Variants in USP19 observed in about 807,000 individuals in gnomAD.
The protein encoded by USP19 is ubiquitin specific peptidase 19.
In USP19, 40 loss-of-function variants were observed where a neutral mutation model predicts 144.8. That is an observed-to-expected ratio of 0.28 (90% CI 0.21 to 0.36). The LOEUF is 0.36. USP19 is among the 10% of genes least tolerant of loss of function. The pLI is 1.00. For missense variants in USP19, 1,518 were observed against 1,822.5 expected (o/e 0.83, Z 3.04); for synonymous variants, 701 against 709.3 (o/e 0.99, Z 0.19).
In USP19 at chr3:49,114,543, CT is replaced by C. The variant is rs1046677748; in HGVS notation, c.2292+219del. 6.6e-6 allele frequency among the ~76,000 whole-genome samples: 1 copy of C among 152,240 alleles called. No homozygotes were observed. The highest frequency in any genetic ancestry group is 2.4e-5 in the African/African-American group (1 of 41,458). ...ACTTGCACCCCATGTGCCCACAACC[CT>C]GCTACAACACCTTTGAGCTCTAACA... On this transcript the variant is annotated intron_variant, in intron 15 of 26. Coordinates refer to ENST00000417901, the MANE Select transcript of USP19 (RefSeq NM_001199161.2). This position sits in a 1 kb window ranked among gnomAD's most constrained non-coding sequence, Gnocchi z 4.5.
chr3:49,114,021 C>T lies in USP19; in HGVS notation c.2476G>A (p.Val826Met), dbSNP rs773147771. The T allele has an allele frequency of 1.1e-5, 17 of 1,614,092 alleles. No homozygotes were observed. Among genetic ancestry groups the T allele is most frequent in the Non-Finnish European group, 1.4e-5 (17 of 1,180,054 alleles). ...VLDSLSQSVH[V>M]KPENLRLAEV... is the part of the protein sequence containing the mutation. ...GCCAAACGCAGGTTCTCAGGCTTCA[C>T]ATGAACACTCTGAGAGAGGGAGTCC... Residue 826 changes from valine (V) to methionine (M), a missense_variant, in exon 17 of 27, where the codon GTG becomes ATG. By Grantham distance (21) the Val-to-Met change is conservative. Coordinates refer to ENST00000417901, the MANE Select transcript of USP19 (RefSeq NM_001199161.2). This position sits in a 1 kb window ranked among gnomAD's most constrained non-coding sequence, Gnocchi z 4.5.
In USP19 at chr3:49,112,402, G is replaced by A. The variant is rs772752404; in HGVS notation, c.2647C>T (p.Arg883Cys). 3.1e-6 allele frequency: 5 copies of A among 1,613,980 alleles called. No individual in the cohort carries two copies. The highest frequency in any genetic ancestry group is 4.2e-6 in the Non-Finnish European group (5 of 1,179,958). ...ERVVVLEVQQRPQVPSVPISK... is the reference protein window; with the variant it reads ...ERVVVLEVQQCPQVPSVPISK... ...ATGGGGACGCTGGGCACCTGGGGGC[G>A]CTAGGGTGGGTCGTCTGGCTCAGCA... The change falls in exon 19 of 27, where the codon CGC becomes TGC. Residue 883 changes from arginine (R) to cysteine (C), a missense_variant and splice_region_variant. Transcript: ENST00000417901. The surrounding 1 kb of genome is among the most constrained non-coding windows in gnomAD (Gnocchi z 4.9).
In USP19 at chr3:49,111,877, C is replaced by G. The variant is rs1352730722; in HGVS notation, c.2903+34G>C. 1 of 1,612,022 alleles carries G rather than the reference C, an allele frequency of 6.2e-7. No individual in the cohort carries two copies. Among genetic ancestry groups the G allele is most frequent in the South Asian group, 1.1e-5 (1 of 90,850 alleles). ...GCCCATCTAGCACCTCTGCCCCCAC[C>G]TACACCACTCTAGTCCAACCACTGG... is the stretch of plus-strand genomic sequence containing the variant. On this transcript the variant is annotated intron_variant, in intron 20 of 26. Coordinates refer to ENST00000417901, the MANE Select transcript of USP19 (RefSeq NM_001199161.2). This position sits in a 1 kb window ranked among gnomAD's most constrained non-coding sequence, Gnocchi z 5.9.
rs749937029 is a variant in USP19 at position 49,119,179 on chromosome 3, G to C, written c.-34C>G. The stretch of plus-strand genomic sequence containing the variant: ...GCTTGGTCGACAGCCAGAGTGCCCC[G>C]GGGTCGGCAACAGCGTCTGGGTCAG... On this transcript the variant is annotated 5_prime_UTR_variant, in exon 2 of 27. Transcript: ENST00000417901. The C allele has an allele frequency of 3.1e-6, 5 of 1,599,998 alleles. No homozygotes were observed. In the South Asian group the frequency reaches 3.3e-5, roughly 11 times the overall value.
At chr3:49,109,220 G>C (rs754515644) in intron 26 of USP19, 5 of 1,453,454 alleles carry the variant, frequency 3.4e-6, no homozygotes, top group Non-Finnish European at 4.5e-6. Flanking sequence ...AGCACCCCGG[G>C]GGTGGGGAGG....
chr3:49,109,556 G>A (rs2107202255), intron 26 of USP19, among the ~76,000 whole-genome samples: 1 of 152,322 alleles, frequency 6.6e-6, no homozygotes, highest in South Asian at 2.1e-4. Context: ...CCCATACCCA[G>A]ATCCTGACCA....
rs752926796 is a variant in USP19, at chr3:49,115,919, G to A, written c.1497C>T (p.Ala499=). 9.0e-6 allele frequency: 14 copies of A among 1,560,928 alleles called. No individual in the cohort carries two copies. The highest frequency in any genetic ancestry group is 6.8e-5 in the East Asian group (3 of 44,418). Reference sequence around the variant, plus strand: ...CCAGAGGGGTTGGACCTGTCGGCACGGCAACCTTTGCACCACCCACTGCAC... The same window carrying A: ...CCAGAGGGGTTGGACCTGTCGGCACAGCAACCTTTGCACCACCCACTGCAC... The part of the protein sequence containing the change: ...ARGAVGGAKV[A]VPTGPTPLDS... Residue 499 remains alanine (A), a synonymous_variant, in exon 11 of 27, where the codon GCC becomes GCT. Transcript: ENST00000417901. This position sits in a 1 kb window ranked among gnomAD's most constrained non-coding sequence, Gnocchi z 6.6.
rs1404093576 is a variant in USP19, at chr3:49,116,004, T to C, written c.1471+43A>G. 1 of 1,573,154 alleles carries C rather than the reference T, an allele frequency of 6.4e-7. No individual in the cohort carries two copies. Among genetic ancestry groups the C allele is most frequent in the Non-Finnish European group, 8.6e-7 (1 of 1,163,034 alleles). ...CAGCATGTGACAGGGGTTTGGGTCC[T>C]GGTCACGTGGAACTGGGCAATGAAG... is the stretch of plus-strand genomic sequence containing the variant. On this transcript the variant is annotated intron_variant, in intron 10 of 26. Coordinates refer to ENST00000417901, the MANE Select transcript of USP19 (RefSeq NM_001199161.2). The surrounding 1 kb of genome is among the most constrained non-coding windows in gnomAD (Gnocchi z 5.0).
rs750994994 is a variant in USP19 at position 49,114,049 on chromosome 3, T to C, written c.2448A>G (p.Val816=). Residue 816 remains valine, a synonymous_variant, in exon 17 of 27, where the codon GTA becomes GTG. Transcript: ENST00000417901. The surrounding 1 kb of genome is among the most constrained non-coding windows in gnomAD (Gnocchi z 4.5). ...GAACACTCTGAGAGAGGGAGTCCAATACTTCGCTCGCAGTGGAGTTCTCCT... is the reference window on the plus strand; with the variant it reads ...GAACACTCTGAGAGAGGGAGTCCAACACTTCGCTCGCAGTGGAGTTCTCCT... The part of the protein sequence containing the change: ...VSKENSTASE[V]LDSLSQSVHV... 5 of 1,614,170 alleles carry C rather than the reference T, an allele frequency of 3.1e-6. No homozygotes were observed. The South Asian group carries it at 3.3e-5, about 11-fold the overall frequency.
At chr3:49,109,211 G>A (rs1220954489) in intron 26 of USP19, 2 of 1,455,804 alleles carry the variant, frequency 1.4e-6, no homozygotes, top group South Asian at 1.5e-5. Context: ...ACGGCCATCA[G>A]CACCCCGGGG....
In USP19 at chr3:49,111,626, G is replaced by A. The variant is rs200308582; in HGVS notation, c.3091C>T (p.Arg1031Trp). The stretch of plus-strand genomic sequence containing the variant: ...CCCCGGTCAGGGGCTGCCCACACCC[G>A]GGGAAGCCCTGTGTCCCCCTCAGCC... ...PMAEGDTGLP[R>W]VWAAPDRGPV... is the part of the protein sequence containing the mutation. The change falls in exon 21 of 27, where the codon CGG becomes TGG. Residue 1031 changes from arginine (R) to tryptophan (W), a missense_variant. Arg to Trp is a moderately radical substitution (Grantham distance 101). This residue lies in a region of USP19 where 413 missense variants were observed against 515.8 expected (regional missense o/e 0.80). Coordinates refer to ENST00000417901, the MANE Select transcript of USP19 (RefSeq NM_001199161.2). This position sits in a 1 kb window ranked among gnomAD's most constrained non-coding sequence, Gnocchi z 5.9. 65 of 1,608,526 alleles carry A rather than the reference G, an allele frequency of 4.0e-5. No homozygotes were observed. In the African/African-American group the frequency reaches 5.6e-4, roughly 14 times the overall value.
At chr3:49,109,529 C>A (rs1007667120) in intron 26 of USP19, among the ~76,000 whole-genome samples, 1 of 152,208 alleles carries the variant, frequency 6.6e-6, no homozygotes, top group African/African-American at 2.4e-5. Flanking sequence ...CCAGAGCAAT[C>A]TCCTTGCTCC....
Position 49,115,327 on chromosome 3 carries a change from G to A in USP19, c.1923C>T (p.Asn641=), listed in dbSNP as rs1400272264. 6.2e-7 allele frequency: 1 copy of A among 1,614,100 alleles called. No individual in the cohort carries two copies. Among genetic ancestry groups the A allele is most frequent in the African/African-American group, 1.3e-5 (1 of 74,938 alleles). The change falls in exon 13 of 27, where the codon AAC becomes AAT. Residue 641 remains asparagine (N), a synonymous_variant. Transcript: ENST00000417901. This position sits in a 1 kb window ranked among gnomAD's most constrained non-coding sequence, Gnocchi z 6.6. ...CCAGACGCCCACCAGTCCCTAGTGG[G>A]TTGTTGTAGTTGATCTCAGCCTCAA... The part of the protein sequence containing the change: ...RSFEAEINYN[N]PLGTGGRLAI...
rs1285877745 is a variant in USP19, at chr3:49,112,410, G to A, written c.2647-8C>T. 6.2e-7 allele frequency: 1 copy of A among 1,613,956 alleles called. No individual in the cohort carries two copies. Among genetic ancestry groups the A allele is most frequent in the Non-Finnish European group, 8.5e-7 (1 of 1,179,936 alleles). On this transcript the variant is annotated splice_polypyrimidine_tract_variant and splice_region_variant and intron_variant, in intron 18 of 26. Transcript: ENST00000417901. This position sits in a 1 kb window ranked among gnomAD's most constrained non-coding sequence, Gnocchi z 4.9. ...GCTGGGCACCTGGGGGCGCTAGGGT[G>A]GGTCGTCTGGCTCAGCAAGACCAGG...
Position 49,110,210 on chromosome 3 carries a change from G to A in USP19, c.4012C>T (p.Pro1338Ser). 1 of 1,530,060 alleles carries A rather than the reference G, an allele frequency of 6.5e-7. No individual in the cohort carries two copies. Among genetic ancestry groups the A allele is most frequent in the Non-Finnish European group, 8.8e-7 (1 of 1,139,748 alleles). The allele number at this position is 1,530,060 out of a possible 1,614,324, so 94.8% of individuals were successfully genotyped here. The part of the protein sequence containing the change: ...GHSEHHPDLG[P>S]AAEAAASQGL... ...TGGCTGGCAGCAGCCTCAGCTGCAG[G>A]GCCTAGGTCTGGGTGGTGCTCAGAG... The change falls in exon 26 of 27, where the codon CCT (proline) becomes TCT (serine). Residue 1338 changes from proline to serine, a missense_variant. Coordinates refer to ENST00000417901, the MANE Select transcript of USP19 (RefSeq NM_001199161.2). This position sits in a 1 kb window ranked among gnomAD's most constrained non-coding sequence, Gnocchi z 6.1.
rs186192609 is a variant in USP19, at chr3:49,115,359, G to C, written c.1891C>G (p.Arg631Gly). ...TRELRDFFHD[R>G]SFEAEINYNN... ...TAGTTGATCTCAGCCTCAAAGGAGCGGTCTAGGAATAGTAGCCGAGCAAAG... is the reference window on the plus strand; with the variant it reads ...TAGTTGATCTCAGCCTCAAAGGAGCCGTCTAGGAATAGTAGCCGAGCAAAG... The change falls in exon 13 of 27, where the codon CGC becomes GGC. Residue 631 changes from arginine to glycine, a missense_variant and splice_region_variant. This residue lies in a region of USP19 where 158 missense variants were observed against 277.3 expected (regional missense o/e 0.57). Coordinates refer to ENST00000417901, the MANE Select transcript of USP19 (RefSeq NM_001199161.2). The surrounding 1 kb of genome is among the most constrained non-coding windows in gnomAD (Gnocchi z 6.6). The C allele has an allele frequency of 6.2e-7, 1 of 1,614,130 alleles. No individual in the cohort carries two copies. Among genetic ancestry groups the C allele is most frequent in the East Asian group, 2.2e-5 (1 of 44,874 alleles).
chr3:49,120,350 T>G (rs1395486882), intron 1 of USP19: 2 of 152,366 alleles, frequency 1.3e-5, no homozygotes, highest in East Asian at 1.9e-4. Flanking sequence ...GCCTCCTTCT[T>G]GCACCCAGGC....
chr3:49,120,308 G>A (rs1419535598), intron 1 of USP19, among the ~76,000 whole-genome samples: 1 of 152,230 alleles, frequency 6.6e-6, no homozygotes, highest in Admixed American at 6.5e-5. Flanking sequence ...TGGTACTGGT[G>A]GGCTGGATCT....
Position 49,110,882 on chromosome 3 carries a change from G to A in USP19, c.3546-19C>T, listed in dbSNP as rs1478721178. On this transcript the variant is annotated intron_variant, in intron 23 of 26. Transcript: ENST00000417901. The surrounding 1 kb of genome is among the most constrained non-coding windows in gnomAD (Gnocchi z 6.1). ...GCAGTACCTGGTGGGGACAGAGATTGGGTCAGGACCAGCAAGTCTCTCTCT... is the reference window on the plus strand; with the variant it reads ...GCAGTACCTGGTGGGGACAGAGATTAGGTCAGGACCAGCAAGTCTCTCTCT... 3 of 1,614,022 alleles carry A rather than the reference G, an allele frequency of 1.9e-6. No homozygotes were observed. In the South Asian group the frequency reaches 3.3e-5, roughly 18 times the overall value.
Sources: gnomAD v4.1 joint callset for allele counts (sites outside exome capture counted in the v4.1 genomes callset) on GRCh38, gnomAD v4.1.1 for gene constraint, gnomAD v4.1.1 regional missense constraint, Gnocchi (gnomAD v3.1) non-coding constraint, MANE v1.5 for transcripts, NCBI Gene and HGNC (gene_info 2026-07-23, HGNC 2026-07-21) for gene names.